The following RNLS variants were observed in gnomAD, a reference collection of about 807,000 sequenced individuals.
The protein encoded by RNLS is renalase, FAD dependent amine oxidase.
A neutral mutation model predicts 39.8 loss-of-function variants in RNLS; 39 were observed. That is an observed-to-expected ratio of 0.98 (90% CI 0.76 to 1.28). The LOEUF (loss-of-function observed/expected upper bound fraction) is 1.28, where lower values mean the gene tolerates loss of function less well. Among genes scored for constraint, RNLS ranks in the 50% most tolerant of loss-of-function variants. The probability of loss-of-function intolerance (pLI) is 0.00; values close to 1 mark genes in which losing one functional copy is unlikely to be tolerated. For missense variants in RNLS, 410 were observed against 413.3 expected (o/e 0.99, Z 0.07); for synonymous variants, 147 against 150.7 (o/e 0.98, Z 0.18).
intron 4 of RNLS, among the ~76,000 whole-genome samples, chr10:88,496,916 C>T (rs1030537194): frequency 4.6e-5 from 7 of 151,988 alleles, no homozygotes; most frequent in African/African-American, 1.7e-4. Flanking sequence ...AAGAGTAGGG[C>T]ATTCTAAAAG....
the RNLS span, among the ~76,000 whole-genome samples, chr10:88,188,283 C>T: frequency 6.6e-6 from 1 of 152,228 alleles, no homozygotes; most frequent in Non-Finnish European, 1.5e-5. Flanking sequence ...CCTCAAACTC[C>T]TGACCTCAAG....
At chr10:88,522,842 C>A (rs1424195950) in intron 4 of RNLS, among the ~76,000 whole-genome samples, 1 of 152,128 alleles carries the variant, frequency 6.6e-6, no homozygotes, top group Non-Finnish European at 1.5e-5. Context: ...ATGTGGCCAG[C>A]AGCTGTTCTG....
At chr10:88,467,793 T>A (rs1347638610) in intron 4 of RNLS, among the ~76,000 whole-genome samples, 1 of 152,158 alleles carries the variant, frequency 6.6e-6, no homozygotes, top group African/African-American at 2.4e-5. Flanking sequence ...GCTCTCGCCC[T>A]TTCTTTAAAG....
At chr10:88,582,375 C>A in intron 1 of RNLS, 68 bp from the exon 2 acceptor site, 1 of 1,213,570 alleles carries the variant, frequency 8.2e-7, no homozygotes, top group African/African-American at 1.5e-5. Context: ...TTCAATGCAC[C>A]TTAGGTTACC....
At chr10:88,191,400 A>AT in the RNLS span, among the ~76,000 whole-genome samples, 1 of 150,752 alleles carries the variant, frequency 6.6e-6, no homozygotes, top group Non-Finnish European at 1.5e-5. Flanking sequence ...ATTTTAATTA[A>AT]TTTTTTTCAT....
At chr10:88,355,539 C>T (rs546635092) in intron 5 of RNLS, among the ~76,000 whole-genome samples, 2 of 152,190 alleles carry the variant, frequency 1.3e-5, no homozygotes, top group Admixed American at 1.3e-4. Context: ...TATTGCTGAA[C>T]AGCAAATGTT....
intron 3 of RNLS, among the ~76,000 whole-genome samples, chr10:88,580,215 T>C (rs770157026): frequency 1.3e-5 from 2 of 152,194 alleles, no homozygotes; most frequent in African/African-American, 4.8e-5. Flanking sequence ...CATACTCACA[T>C]ATACACATGC....
chr10:88,493,224 T>C (rs1486784241), intron 4 of RNLS, among the ~76,000 whole-genome samples: 1 of 152,140 alleles, frequency 6.6e-6, no homozygotes, highest in Non-Finnish European at 1.5e-5. Context: ...GAATATTTAA[T>C]AGGAGTTACA....
At chr10:88,411,609 T>G (rs1782594895) in intron 4 of RNLS, among the ~76,000 whole-genome samples, 1 of 152,078 alleles carries the variant, frequency 6.6e-6, no homozygotes, top group Non-Finnish European at 1.5e-5. Context: ...CAAACATGTA[T>G]TGAACATACT....
chr10:88,303,390 T>C (rs1463982375), intron 6 of RNLS, among the ~76,000 whole-genome samples: 1 of 152,220 alleles, frequency 6.6e-6, no homozygotes, highest in Non-Finnish European at 1.5e-5. Context: ...GATGGGGCTA[T>C]GCTGACCTGA....
intron 4 of RNLS, among the ~76,000 whole-genome samples, chr10:88,461,693 C>A (rs952494278): frequency 1.3e-5 from 2 of 152,046 alleles, no homozygotes; most frequent in Non-Finnish European, 1.5e-5. Flanking sequence ...TTGTATCTTG[C>A]TAAATGCTAG....
chr10:88,184,738 A>G, the RNLS span, among the ~76,000 whole-genome samples: 2 of 152,140 alleles, frequency 1.3e-5, no homozygotes, highest in East Asian at 1.9e-4. Context: ...TGAATGTCAT[A>G]CCAAGCTGAT....
intron 4 of RNLS, among the ~76,000 whole-genome samples, chr10:88,408,504 A>G (rs1309231199): frequency 6.6e-6 from 1 of 152,044 alleles, no homozygotes; most frequent in African/African-American, 2.4e-5. Context: ...GGACACCCCA[A>G]GAGAGAACCA....
At chr10:88,541,782 G>T (rs1389472884) in intron 4 of RNLS, among the ~76,000 whole-genome samples, 1 of 152,130 alleles carries the variant, frequency 6.6e-6, no homozygotes, top group Non-Finnish European at 1.5e-5. Flanking sequence ...TATCCTGGTT[G>T]TGCCCCTCTG....
chr10:88,236,039 T>G, the RNLS span, among the ~76,000 whole-genome samples: 1 of 152,208 alleles, frequency 6.6e-6, no homozygotes, highest in Admixed American at 6.5e-5. Flanking sequence ...TTTGTGATCT[T>G]TAAGTGTAGT....
chr10:88,515,737 T>C (rs1359580), intron 4 of RNLS, among the ~76,000 whole-genome samples: 55,436 of 151,790 alleles, frequency 0.37, 11,348 homozygotes, highest in African/African-American at 0.55. Flanking sequence ...TCAATAAGTG[T>C]TTAAGAAAAA....
chr10:88,520,849 C>T (rs953737186), intron 4 of RNLS, among the ~76,000 whole-genome samples: 8 of 152,084 alleles, frequency 5.3e-5, no homozygotes, highest in African/African-American at 9.6e-5. Flanking sequence ...AACAGTCTTC[C>T]TGAAGATTTC....
At chr10:88,189,871 T>G in the RNLS span, among the ~76,000 whole-genome samples, 5 of 152,236 alleles carry the variant, frequency 3.3e-5, no homozygotes, top group African/African-American at 9.7e-5. Flanking sequence ...TTTCTGTCCA[T>G]TCTCTGCACC....
downstream of RNLS, among the ~76,000 whole-genome samples, chr10:88,270,469 G>A (rs886946387): frequency 6.6e-6 from 1 of 152,098 alleles, no homozygotes; most frequent in African/African-American, 2.4e-5. Flanking sequence ...GTGCCTCAGG[G>A]GTTCCTAAAC....
Sources: allele counts gnomAD v4.1 joint callset (sites outside exome capture counted in the v4.1 genomes callset), GRCh38; gene constraint gnomAD v4.1.1; transcripts MANE v1.5; gene names NCBI Gene and HGNC (gene_info 2026-07-23, HGNC 2026-07-21).